The following KMO variants were observed in gnomAD, a reference collection of about 807,000 sequenced individuals.
The protein encoded by KMO is kynurenine 3-hydroxylase.
Under a neutral mutation model 57.8 loss-of-function variants are expected in KMO, and 24 were observed. That is an observed-to-expected ratio of 0.42 (90% CI 0.30 to 0.58). The LOEUF (loss-of-function observed/expected upper bound fraction) is 0.58, where lower values mean the gene tolerates loss of function less well. KMO is among the 20% of genes least tolerant of loss of function. The probability of loss-of-function intolerance (pLI) is 0.22; values close to 1 mark genes in which losing one functional copy is unlikely to be tolerated. For missense variants in KMO, 483 were observed against 588.2 expected (o/e 0.82, Z 1.85); for synonymous variants, 210 against 193.6 (o/e 1.08, Z -0.70).
Position 241,592,758 on chromosome 1 carries a change from CT to C in KMO, c.*606del, listed in dbSNP as rs1335651456. The C allele has an allele frequency of 6.2e-5, 8 of 129,998 alleles. No homozygotes were observed. The highest frequency in any genetic ancestry group is 2.5e-4 in the African/African-American group (8 of 32,004). The allele number at this position is 129,998 out of a possible 1,614,324, so 8.1% of individuals were successfully genotyped here. A position where few individuals can be genotyped will look rare whatever the true frequency, so the allele number is the denominator to read the frequency against. ...TATCATCTATCTATCTATCTATCAT[CT>C]ATCTATCTATCTATCTATCTATCTA... On this transcript the variant is annotated 3_prime_UTR_variant, in exon 15 of 15. Transcript: ENST00000366559.
intron 11 of KMO, among the ~76,000 whole-genome samples, chr1:241,587,820 G>C (rs976557394): frequency 6.6e-6 from 1 of 150,606 alleles, no homozygotes; most frequent in Non-Finnish European, 1.5e-5. Context: ...TTTTGTTCCC[G>C]CCCTTCCTTC....
chr1:241,581,680 C>T (rs1662756270), intron 10 of KMO, among the ~76,000 whole-genome samples: 1 of 152,028 alleles, frequency 6.6e-6, no homozygotes, highest in Non-Finnish European at 1.5e-5. Flanking sequence ...AACTCCATCC[C>T]CCTGGCATTT....
chr1:241,543,350 T>C (rs74731712), intron 1 of KMO, among the ~76,000 whole-genome samples: 7,733 of 152,290 alleles, frequency 0.051, 269 homozygotes, highest in Non-Finnish European at 0.073. Context: ...TCAAAAACTA[T>C]GTATTTGCAT....
intron 10 of KMO, among the ~76,000 whole-genome samples, chr1:241,581,528 G>A (rs1662749698): frequency 1.3e-5 from 2 of 151,634 alleles, no homozygotes; most frequent in Admixed American, 6.6e-5. Context: ...CATGAGGCTT[G>A]CAAATAACAT....
At position 241,566,532 on chromosome 1, in the gene KMO, G is replaced by A; in HGVS notation, c.729G>A (p.Glu243=). 1 of 1,613,740 alleles carries A rather than the reference G, an allele frequency of 6.2e-7. No individual in the cohort carries two copies. The highest frequency in any genetic ancestry group is 8.5e-7 in the Non-Finnish European group (1 of 1,179,722). The part of the protein sequence containing the change: ...FTCTLFMPFE[E]FEKLLTSNDV... ...GTACTTTGTTCATGCCCTTTGAAGA[G>A]TTTGAAAAACTTCTAACCAGTAATG... Residue 243 remains glutamate (E), a synonymous_variant, in exon 9 of 15, where the codon GAG becomes GAA. Transcript: ENST00000366559.
At chr1:241,539,288 G>A (rs968450784) in intron 1 of KMO, among the ~76,000 whole-genome samples, 3 of 151,932 alleles carry the variant, frequency 2.0e-5, no homozygotes, top group Non-Finnish European at 4.4e-5. Flanking sequence ...GGAGGCTGAG[G>A]CAGGAGAATT....
chr1:241,592,002 G>A lies in KMO; in HGVS notation c.1310G>A (p.Ser437Asn), dbSNP rs749559352. ...FFLGSLIAISSTYLLIHYMSP... is the reference protein window; with the variant it reads ...FFLGSLIAISNTYLLIHYMSP... The stretch of plus-strand genomic sequence containing the variant: ...TTGGGATCACTGATAGCCATCAGCA[G>A]TACCTACCTACTTATACACTACATG... The change falls in exon 15 of 15, where the codon AGT becomes AAT. Residue 437 changes from serine to asparagine, a missense_variant. This residue lies in a region of KMO where 410 missense variants were observed against 492.3 expected (regional missense o/e 0.83). Transcript: ENST00000366559. 1.9e-6 allele frequency: 3 copies of A among 1,613,946 alleles called. No individual in the cohort carries two copies. The highest frequency in any genetic ancestry group is 1.7e-5 in the Admixed American group (1 of 60,008).
chr1:241,592,319 G>C lies in KMO; in HGVS notation c.*166G>C, dbSNP rs1365452510. The C allele has an allele frequency of 9.8e-6, 6 of 615,332 alleles. No homozygotes were observed. The Admixed American group carries it at 1.7e-4, about 18-fold the overall frequency. The allele number at this position is 615,332 out of a possible 1,614,324, so 38.1% of individuals were successfully genotyped here. A position where few individuals can be genotyped will look rare whatever the true frequency, so the allele number is the denominator to read the frequency against. On this transcript the variant is annotated 3_prime_UTR_variant, in exon 15 of 15. Transcript: ENST00000366559. ...GTATGTTAATTGCAATTACTGGTTGGGGGGTGCATTTTAAAAGATGAAACA... is the reference window on the plus strand; with the variant it reads ...GTATGTTAATTGCAATTACTGGTTGCGGGGTGCATTTTAAAAGATGAAACA...
chr1:241,545,900 G>T (rs976307645), intron 1 of KMO, among the ~76,000 whole-genome samples: 9 of 152,098 alleles, frequency 5.9e-5, no homozygotes, highest in African/African-American at 2.2e-4. Flanking sequence ...CTCAGCAAGG[G>T]GCAGCATGGC....
At position 241,589,613 on chromosome 1, in the gene KMO, A is replaced by T. The variant is rs931090351; in HGVS notation, c.1099-399A>T. ...CAGTATCTGTCCTAAAAGAAAGAGTAGGTCCAGACAAACATAGCTTTAAAC... is the reference window on the plus strand; with the variant it reads ...CAGTATCTGTCCTAAAAGAAAGAGTTGGTCCAGACAAACATAGCTTTAAAC... On this transcript the variant is annotated intron_variant, in intron 12 of 14. Coordinates refer to ENST00000366559, the MANE Select transcript of KMO (RefSeq NM_003679.5). Among the ~76,000 whole-genome samples the T allele has an allele frequency of 3.3e-5, 5 of 152,228 alleles. No individual in the cohort carries two copies. The East Asian group carries it at 9.6e-4, about 29-fold the overall frequency.
At chr1:241,583,663 A>G (rs914463308) in intron 10 of KMO, among the ~76,000 whole-genome samples, 1 of 152,174 alleles carries the variant, frequency 6.6e-6, no homozygotes, top group Non-Finnish European at 1.5e-5. Context: ...TACAATATAA[A>G]TGTCATGTAT....
At chr1:241,549,252 A>ATCG (rs1553346332) in intron 2 of KMO, among the ~76,000 whole-genome samples, 1,388 of 17,380 alleles carry the variant, frequency 0.08, 103 homozygotes, top group African/African-American at 0.18. Flanking sequence ...AAAGAAAGAA[A>ATCG]GAAAGAAAGA....
rs1048179731 is a variant in KMO at position 241,573,835 on chromosome 1, G to A, written c.957+5188G>A. Among the ~76,000 whole-genome samples the A allele has an allele frequency of 3.9e-5, 6 of 152,034 alleles. No individual in the cohort carries two copies. In the South Asian group the frequency reaches 1.2e-3, roughly 32 times the overall value. On this transcript the variant is annotated intron_variant, in intron 10 of 14. Transcript: ENST00000366559. The stretch of plus-strand genomic sequence containing the variant: ...TTGGTATTTTGATAGGAATTACATT[G>A]AATCTGTATATTGCTTTTGGGTAGT...
chr1:241,546,261 T>G (rs1208858505), intron 1 of KMO, among the ~76,000 whole-genome samples: 2 of 152,144 alleles, frequency 1.3e-5, no homozygotes, highest in African/African-American at 2.4e-5. Context: ...AGACTCCAAA[T>G]TTTGTACTTC....
chr1:241,562,932 AAG>A (rs1366554488), intron 7 of KMO, among the ~76,000 whole-genome samples: 40 of 64,778 alleles, frequency 6.2e-4, no homozygotes, highest in Non-Finnish European at 1.1e-3. Context: ...GGAAGGAAGG[AAG>A]GAAGGAGACG....
intron 11 of KMO, 83 bp downstream of exon 11, chr1:241,586,819 A>AGGTTTGTGATCATTG: frequency 3.1e-6 from 3 of 957,566 alleles, no homozygotes; most frequent in Non-Finnish European, 4.9e-6. Context: ...CAATGATCAC[A>AGGTTTGTGATCATTG]AACCTGTGAT....
At chr1:241,540,143 T>C (rs954129961) in intron 1 of KMO, among the ~76,000 whole-genome samples, 3 of 152,196 alleles carry the variant, frequency 2.0e-5, no homozygotes, top group African/African-American at 7.2e-5. Flanking sequence ...AAAATGTTAA[T>C]ATTGGTTGCC....
chr1:241,559,337 G>A (rs988920951), intron 5 of KMO, among the ~76,000 whole-genome samples: 5 of 152,164 alleles, frequency 3.3e-5, no homozygotes, highest in Admixed American at 2.0e-4. Flanking sequence ...CATTACTCTA[G>A]TCTTTGGCAA....
chr1:241,546,986 T>A (rs1247568594), intron 1 of KMO, among the ~76,000 whole-genome samples: 1 of 152,050 alleles, frequency 6.6e-6, no homozygotes, highest in Admixed American at 6.6e-5. Flanking sequence ...TGAGAGAAGG[T>A]TAATGTTTCC....
Sources: gnomAD v4.1 joint callset for allele counts (sites outside exome capture counted in the v4.1 genomes callset) on GRCh38, gnomAD v4.1.1 for gene constraint, gnomAD v4.1.1 regional missense constraint, MANE v1.5 for transcripts, NCBI Gene and HGNC (gene_info 2026-07-23, HGNC 2026-07-21) for gene names.